PTPRD: variants seen among roughly 807,000 people sequenced by gnomAD.
PTPRD encodes the protein receptor-type tyrosine-protein phosphatase delta.
A neutral mutation model predicts 214.5 loss-of-function variants in PTPRD; 34 were observed. The ratio of observed to expected loss-of-function variants is 0.16; its 90% CI spans 0.12 to 0.21. The LOEUF is 0.21. Ranked by LOEUF, PTPRD falls within the 10% of genes least tolerant of loss-of-function variation. The pLI is 1.00. For synonymous variants in PTPRD, 1,128 were observed against 845.7 expected (o/e 1.33, Z -5.79); for missense variants, 2,545 against 2,398.7 (o/e 1.06, Z -1.27).
At chr9:10,551,808 G>C (rs1243957666) in intron 2 of PTPRD, among the ~76,000 whole-genome samples, 1 of 152,048 alleles carries the variant, frequency 6.6e-6, no homozygotes, top group Non-Finnish European at 1.5e-5. Flanking sequence ...AGCTGAGAAA[G>C]TACCAGCATA....
intron 3 of PTPRD, among the ~76,000 whole-genome samples, chr9:10,036,225 C>G (rs1297401543): frequency 6.6e-6 from 1 of 152,040 alleles, no homozygotes; most frequent in African/African-American, 2.4e-5. Context: ...GGAATCTCTG[C>G]TTTCTCAGGC....
intron 12 of PTPRD, among the ~76,000 whole-genome samples, chr9:8,694,292 G>C (rs1423176035): frequency 6.6e-6 from 1 of 151,944 alleles, no homozygotes; most frequent in Non-Finnish European, 1.5e-5. Flanking sequence ...AATTTTAAAA[G>C]TTGTAATTTT....
At chr9:9,144,506 T>A (rs10816050) in intron 10 of PTPRD, among the ~76,000 whole-genome samples, 1 of 152,028 alleles carries the variant, frequency 6.6e-6, no homozygotes, top group Non-Finnish European at 1.5e-5. Context: ...GTAATCCTAG[T>A]GCTTTGGGAG....
At chr9:8,843,345 C>T (rs2097604455) in intron 11 of PTPRD, among the ~76,000 whole-genome samples, 1 of 152,196 alleles carries the variant, frequency 6.6e-6, no homozygotes. Context: ...GTATCTTTCA[C>T]TTACATCTTT....
At chr9:10,176,821 A>G (rs564624602) in intron 3 of PTPRD, among the ~76,000 whole-genome samples, 253 of 152,110 alleles carry the variant, frequency 1.7e-3, no homozygotes, top group African/African-American at 5.9e-3. Flanking sequence ...ATAATGCACC[A>G]TTGATATGGA....
rs537185376 is a variant in PTPRD at position 10,119,662 on chromosome 9, G to A, written c.-544-85872C>T. 4.6e-5 allele frequency among the ~76,000 whole-genome samples: 7 copies of A among 151,914 alleles called. No individual in the cohort carries two copies. The South Asian group carries it at 6.2e-4, about 14-fold the overall frequency. On this transcript the variant is annotated intron_variant, in intron 3 of 45. Coordinates refer to ENST00000381196, the MANE Select transcript of PTPRD (RefSeq NM_002839.4). ...TGGTTGTGATAATTCAAGACCCCCC[G>A]CATGGAAATAATAAAATAATTTAAA...
At chr9:9,458,053 C>T (rs545736570) in intron 8 of PTPRD, among the ~76,000 whole-genome samples, 39 of 151,960 alleles carry the variant, frequency 2.6e-4, no homozygotes, top group Non-Finnish European at 4.7e-4. Flanking sequence ...GACAATTATG[C>T]TTTGAAAGCA....
chr9:9,408,848 C>T (rs2074439271), intron 8 of PTPRD, among the ~76,000 whole-genome samples: 1 of 151,688 alleles, frequency 6.6e-6, no homozygotes, highest in Non-Finnish European at 1.5e-5. Flanking sequence ...TTTTCTTTTT[C>T]CTGTCATTCT....
chr9:8,571,005 G>A (rs986742655), intron 14 of PTPRD, among the ~76,000 whole-genome samples: 7 of 151,720 alleles, frequency 4.6e-5, no homozygotes, highest in African/African-American at 9.7e-5. Flanking sequence ...GTTTCCACAG[G>A]CTAACACATA....
At chr9:9,659,045 A>G (rs1386939156) in intron 7 of PTPRD, among the ~76,000 whole-genome samples, 1 of 152,110 alleles carries the variant, frequency 6.6e-6, no homozygotes, top group Non-Finnish European at 1.5e-5. Flanking sequence ...AGGACTTTGG[A>G]AAGATGAGAA....
intron 8 of PTPRD, among the ~76,000 whole-genome samples, chr9:9,569,252 G>C (rs1019524723): frequency 4.0e-5 from 6 of 151,272 alleles, no homozygotes; most frequent in African/African-American, 1.2e-4. Flanking sequence ...TGATTAAATG[G>C]CACAATAATT....
chr9:9,569,659 C>T lies in PTPRD; in HGVS notation c.-237+5073G>A, dbSNP rs1591818043. Among the ~76,000 whole-genome samples, 4 of 151,586 alleles carry T rather than the reference C, an allele frequency of 2.6e-5. No homozygotes were observed. In the South Asian group the frequency reaches 8.3e-4, roughly 31 times the overall value. ...ATCAAAGAGGGAGCAAGATAACATA[C>T]ACATTTTTATAGAGGTTGATAAAGT... On this transcript the variant is annotated intron_variant, in intron 8 of 45. Coordinates refer to ENST00000381196, the MANE Select transcript of PTPRD (RefSeq NM_002839.4).
At chr9:9,097,646 G>A (rs1298784274) in intron 10 of PTPRD, among the ~76,000 whole-genome samples, 4 of 151,894 alleles carry the variant, frequency 2.6e-5, no homozygotes, top group South Asian at 2.1e-4. Context: ...TCTTGACCTC[G>A]TGATCTGCCC....
At chr9:8,679,232 A>G (rs996129163) in intron 12 of PTPRD, among the ~76,000 whole-genome samples, 1 of 152,210 alleles carries the variant, frequency 6.6e-6, no homozygotes, top group African/African-American at 2.4e-5. Context: ...ACAACTTCAA[A>G]GCAGTTTGTT....
chr9:8,915,425 T>A (rs13291911), intron 11 of PTPRD, among the ~76,000 whole-genome samples: 1 of 152,130 alleles, frequency 6.6e-6, no homozygotes, highest in Non-Finnish European at 1.5e-5. Flanking sequence ...TCAACGGGGA[T>A]TGTGGACCAC....
At chr9:9,447,460 T>C (rs2144943520) in intron 8 of PTPRD, among the ~76,000 whole-genome samples, 1 of 152,022 alleles carries the variant, frequency 6.6e-6, no homozygotes, top group South Asian at 2.1e-4. Context: ...AGAAGTTAAA[T>C]GATAAGAACA....
At chr9:8,944,297 C>G (rs1057514289) in intron 11 of PTPRD, among the ~76,000 whole-genome samples, 7 of 151,962 alleles carry the variant, frequency 4.6e-5, no homozygotes, top group South Asian at 2.1e-4. Flanking sequence ...TCATACACTG[C>G]TGGTATGATT....
At chr9:9,008,802 A>C (rs1335814756) in intron 11 of PTPRD, among the ~76,000 whole-genome samples, 1 of 152,102 alleles carries the variant, frequency 6.6e-6, no homozygotes, top group Non-Finnish European at 1.5e-5. Context: ...TGTTACTATA[A>C]CTATTTTTGA....
chr9:9,174,428 C>G (rs1569558519), intron 10 of PTPRD, among the ~76,000 whole-genome samples: 1 of 152,228 alleles, frequency 6.6e-6, no homozygotes, highest in East Asian at 1.9e-4. Flanking sequence ...CAAGGTAAAT[C>G]ATTTATACAT....
Sources: gnomAD v4.1 joint callset for allele counts (sites outside exome capture counted in the v4.1 genomes callset) on GRCh38, gnomAD v4.1.1 for gene constraint, MANE v1.5 for transcripts, NCBI Gene and HGNC (gene_info 2026-07-23, HGNC 2026-07-21) for gene names.